The following CENPK variants were observed in gnomAD, a reference collection of about 807,000 sequenced individuals.
CENPK encodes the protein SoxLZ/Sox6-binding protein Solt.
CENPK carries 46 observed loss-of-function variants against 40.9 expected under a neutral mutation model. The ratio of observed to expected loss-of-function variants is 1.13; its 90% CI spans 0.89 to 1.44. The LOEUF (loss-of-function observed/expected upper bound fraction) is 1.44. Among genes scored for constraint, CENPK ranks in the 40% most tolerant of loss-of-function variants. CENPK has a pLI of 0.00. For synonymous variants in CENPK, 107 were observed against 104.4 expected, an observed-to-expected ratio of 1.02 and a Z score of -0.15; for missense variants, 288 against 303.5, an observed-to-expected ratio of 0.95 and a Z score of 0.38.
intron 4 of CENPK, among the ~76,000 whole-genome samples, 193 bp downstream of exon 4, chr5:65,552,300 C>T (rs1750221329): frequency 1.3e-5 from 2 of 152,060 alleles, no homozygotes; most frequent in African/African-American, 2.4e-5. Context: ...TTTATAATAG[C>T]TTGTTCTAGA....
the CENPK span, among the ~76,000 whole-genome samples, chr5:65,498,679 A>T: frequency 7.9e-6 from 1 of 126,180 alleles, no homozygotes; most frequent in African/African-American, 3.1e-5. Flanking sequence ...CTCTTTTTTG[A>T]GACAGGGTCT....
At chr5:65,553,988 A>G (rs1750565524) in intron 3 of CENPK, among the ~76,000 whole-genome samples, 1 of 152,180 alleles carries the variant, frequency 6.6e-6, no homozygotes, top group Non-Finnish European at 1.5e-5. Context: ...GTCTTACCCC[A>G]GAAGTCCTTC....
intron 2 of CENPK, among the ~76,000 whole-genome samples, chr5:65,558,854 A>G (rs1751426580): frequency 6.6e-6 from 1 of 152,252 alleles, no homozygotes; most frequent in South Asian, 2.1e-4. Flanking sequence ...TGGATCATCT[A>G]TAAGGATATT....
intron 6 of CENPK, among the ~76,000 whole-genome samples, chr5:65,540,080 T>G (rs1399650537): frequency 2.0e-5 from 3 of 152,252 alleles, no homozygotes; most frequent in East Asian, 1.9e-4. Flanking sequence ...GATGGTCATT[T>G]GGCCACACCC....
At chr5:65,538,176 C>T (rs1467407688) in intron 6 of CENPK, among the ~76,000 whole-genome samples, 2 of 151,858 alleles carry the variant, frequency 1.3e-5, no homozygotes, top group South Asian at 2.1e-4. Flanking sequence ...TTTTCTTATC[C>T]TGTGGATGGT....
the CENPK span, among the ~76,000 whole-genome samples, chr5:65,506,444 T>C: frequency 1.3e-5 from 2 of 150,806 alleles, no homozygotes; most frequent in East Asian, 4.0e-4. Context: ...AGCCCAGGAG[T>C]TCAGGGCCAG....
At chr5:65,551,341 G>A (rs934392204) in intron 5 of CENPK, 8 of 408,582 alleles carry the variant, frequency 2.0e-5, no homozygotes, top group Admixed American at 8.8e-5. Context: ...CTATAATAAC[G>A]TCTCCATAAT....
intron 2 of CENPK, 51 bp downstream of exon 2, chr5:65,561,412 T>C (rs1330906880): frequency 1.0e-5 from 4 of 389,994 alleles, no homozygotes; most frequent in Non-Finnish European, 2.2e-5. Context: ...GGCGATTTAA[T>C]GTGGCAGTAG....
chr5:65,524,250 T>C (rs1744269291), intron 9 of CENPK, among the ~76,000 whole-genome samples: 2 of 145,542 alleles, frequency 1.4e-5, no homozygotes, highest in South Asian at 4.3e-4. Context: ...CCAGGCATGG[T>C]TGCAGGCGCC....
At chr5:65,536,061 C>G (rs1746839839) in intron 6 of CENPK, among the ~76,000 whole-genome samples, 2 of 152,126 alleles carry the variant, frequency 1.3e-5, no homozygotes, top group African/African-American at 4.8e-5. Flanking sequence ...GAATATACAA[C>G]AAAATGTAAA....
chr5:65,555,725 T>C (rs1750863327), intron 2 of CENPK, among the ~76,000 whole-genome samples: 1 of 152,194 alleles, frequency 6.6e-6, no homozygotes, highest in African/African-American at 2.4e-5. Context: ...CTTAACAGCA[T>C]GTATATGGAC....
chr5:65,530,921 A>G (rs1461683233), intron 6 of CENPK, among the ~76,000 whole-genome samples: 1 of 152,156 alleles, frequency 6.6e-6, no homozygotes, highest in Non-Finnish European at 1.5e-5. Context: ...ACAACAACAA[A>G]GACAACAACA....
chr5:65,553,343 A>G (rs1307427575), intron 3 of CENPK, among the ~76,000 whole-genome samples: 1 of 150,126 alleles, frequency 6.7e-6, no homozygotes, highest in Non-Finnish European at 1.5e-5. Flanking sequence ...ATACATTAAC[A>G]ATAGCTGATC....
intron 5 of CENPK, 78 bp from the exon 6 acceptor site, chr5:65,542,926 T>G: frequency 8.1e-7 from 1 of 1,241,958 alleles, no homozygotes; most frequent in Non-Finnish European, 1.1e-6. Flanking sequence ...TTTGCGGTTT[T>G]CTAAGATACT....
At chr5:65,559,395 C>T (rs925597552) in intron 2 of CENPK, among the ~76,000 whole-genome samples, 7 of 151,848 alleles carry the variant, frequency 4.6e-5, no homozygotes, top group South Asian at 4.2e-4. Flanking sequence ...TTTGGGAGGC[C>T]GAGGCGGGCG....
At chr5:65,535,913 C>A (rs1035218949) in intron 6 of CENPK, among the ~76,000 whole-genome samples, 3 of 152,042 alleles carry the variant, frequency 2.0e-5, no homozygotes, top group African/African-American at 7.2e-5. Context: ...GATTACAGGG[C>A]GGGTAAAGTT....
In CENPK at chr5:65,554,430, G is replaced by A. The variant is rs113576877; in HGVS notation, c.111+367C>T. Among the ~76,000 whole-genome samples the A allele has an allele frequency of 7.8e-3, 1,191 of 152,242 alleles. 15 individuals are homozygous for A. Among genetic ancestry groups the A allele is most frequent in the African/African-American group, 0.026 (1,085 of 41,516 alleles). ...CTCCCAAAATGCTGGGATTACAGGC[G>A]TGGCCCAGTAATTACCTCTTTCAGA... On this transcript the variant is annotated intron_variant, in intron 3 of 10. Transcript: ENST00000396679.
chr5:65,513,874 G>A (rs912767274), downstream of CENPK, among the ~76,000 whole-genome samples: 2 of 152,110 alleles, frequency 1.3e-5, no homozygotes, highest in Non-Finnish European at 1.5e-5. Context: ...ATGAAGTTGA[G>A]GGTTTTCTTA....
intron 9 of CENPK, among the ~76,000 whole-genome samples, chr5:65,525,920 A>C (rs1252268945): frequency 1.3e-5 from 2 of 152,186 alleles, no homozygotes; most frequent in Non-Finnish European, 2.9e-5. Flanking sequence ...CTACACTGTG[A>C]AACTTTTGTT....
Sources: allele counts gnomAD v4.1 joint callset (sites outside exome capture counted in the v4.1 genomes callset), GRCh38; gene constraint gnomAD v4.1.1; transcripts MANE v1.5; gene names NCBI Gene and HGNC (gene_info 2026-07-23, HGNC 2026-07-21).